The following CYP2J2 variants were observed in gnomAD, a reference collection of about 807,000 sequenced individuals.
The protein encoded by CYP2J2 is cytochrome P450 family 2 subfamily J member 2.
In CYP2J2, 41 loss-of-function variants were observed where a neutral mutation model predicts 48.8. The ratio of observed to expected loss-of-function variants is 0.84; its 90% CI spans 0.66 to 1.09. The LOEUF (loss-of-function observed/expected upper bound fraction) is 1.09, where lower values mean the gene tolerates loss of function less well. Ranked by LOEUF, CYP2J2 falls within the 50% of genes least tolerant of loss-of-function variation. CYP2J2 has a pLI of 0.00. For missense variants in CYP2J2, 644 were observed against 617.3 expected (o/e 1.04, Z -0.46); for synonymous variants, 221 against 227.1 (o/e 0.97, Z 0.24).
the CYP2J2 span, among the ~76,000 whole-genome samples, chr1:59,964,496 A>T: frequency 6.6e-6 from 1 of 152,246 alleles, no homozygotes; most frequent in South Asian, 2.1e-4. Context: ...TCTATATCCT[A>T]GTTGCAAGAG....
upstream of CYP2J2, among the ~76,000 whole-genome samples, chr1:59,930,568 T>A (rs1644598103): frequency 6.6e-6 from 1 of 152,134 alleles, no homozygotes; most frequent in African/African-American, 2.4e-5. Context: ...TGTATTCAGG[T>A]TCTTTGCCAA....
At chr1:59,912,467 G>C (rs1644426496) in intron 2 of CYP2J2, 156 bp from the exon 3 acceptor site, 1 of 716,466 alleles carries the variant, frequency 1.4e-6, no homozygotes, top group Non-Finnish European at 2.3e-6. Flanking sequence ...TGGATATAAT[G>C]GCTAATATTT....
intron 1 of CYP2J2, among the ~76,000 whole-genome samples, chr1:59,919,789 T>C (rs11572227): frequency 0.075 from 11,371 of 152,218 alleles, 448 homozygotes; most frequent in African/African-American, 0.11. Context: ...CCAAGAATAA[T>C]GGTCTCACAG....
At chr1:59,910,109 C>G in intron 4 of CYP2J2, 149 bp from the exon 5 acceptor site, 1 of 617,060 alleles carries the variant, frequency 1.6e-6, no homozygotes, top group Non-Finnish European at 2.7e-6. Context: ...TCTCTCACCT[C>G]TCTAGCAAAA....
the CYP2J2 span, among the ~76,000 whole-genome samples, chr1:59,959,303 C>T: frequency 6.6e-6 from 1 of 151,932 alleles, no homozygotes; most frequent in African/African-American, 2.4e-5. Context: ...TATTATAGTC[C>T]CACCTTCTCC....
Position 59,893,621 on chromosome 1 carries a change from C to G in CYP2J2, c.*30G>C. ...TCAGAACACGTGCCATGTCTTCTTACTTTCCTTGCCCCTTTCTTTCTTAAC... is the reference window on the plus strand; with the variant it reads ...TCAGAACACGTGCCATGTCTTCTTAGTTTCCTTGCCCCTTTCTTTCTTAAC... On this transcript the variant is annotated 3_prime_UTR_variant, in exon 9 of 9. Coordinates refer to ENST00000371204, the MANE Select transcript of CYP2J2 (RefSeq NM_000775.4). The G allele has an allele frequency of 6.5e-7, 1 of 1,535,836 alleles. No individual in the cohort carries two copies. The highest frequency in any genetic ancestry group is 8.8e-7 in the Non-Finnish European group (1 of 1,133,884).
the CYP2J2 span, among the ~76,000 whole-genome samples, chr1:59,952,340 A>G: frequency 8.1e-3 from 1,210 of 149,280 alleles, 17 homozygotes; most frequent in African/African-American, 0.028. Context: ...TCCCTGGAGC[A>G]TATTTGCTTA....
At chr1:59,960,916 A>G in the CYP2J2 span, among the ~76,000 whole-genome samples, 1 of 152,202 alleles carries the variant, frequency 6.6e-6, no homozygotes, top group African/African-American at 2.4e-5. Context: ...GTTTTTCAAC[A>G]AATGGTGGAA....
chr1:59,901,264 C>T (rs943070556), intron 7 of CYP2J2, among the ~76,000 whole-genome samples, 161 bp from the exon 8 acceptor site: 5 of 152,202 alleles, frequency 3.3e-5, no homozygotes, highest in African/African-American at 1.2e-4. Flanking sequence ...AACCCAGGAC[C>T]CTTCTCTTTG....
chr1:59,907,671 A>G (rs950156147), intron 6 of CYP2J2, 115 bp downstream of exon 6: 89 of 1,137,940 alleles, frequency 7.8e-5, no homozygotes, highest in Non-Finnish European at 1.3e-5. Flanking sequence ...ATCACTCATG[A>G]CTGTTCTGCC....
At chr1:59,908,908 T>C (rs1644387330) in intron 5 of CYP2J2, among the ~76,000 whole-genome samples, 2 of 152,196 alleles carry the variant, frequency 1.3e-5, no homozygotes, top group South Asian at 2.1e-4. Context: ...CTTAATAAAG[T>C]TGGCCTTTAA....
rs933052744 is a variant in CYP2J2 at position 59,901,214 on chromosome 1, C to T, written c.1192-111G>A. 18 of 1,095,402 alleles carry T rather than the reference C, an allele frequency of 1.6e-5. No individual in the cohort carries two copies. In the African/African-American group the frequency reaches 1.9e-4, roughly 11 times the overall value. 67.9% of individuals were successfully genotyped at this position (1,095,402 alleles called of 1,614,324 possible). ...TGCCGGGGGCCTGAACATACTGCCC[C>T]ACCCTCCCCAATTGTGGTACACAGT... is the stretch of plus-strand genomic sequence containing the variant. On this transcript the variant is annotated intron_variant, in intron 7 of 8. Coordinates refer to ENST00000371204, the MANE Select transcript of CYP2J2 (RefSeq NM_000775.4).
the CYP2J2 span, among the ~76,000 whole-genome samples, chr1:59,947,941 C>T: frequency 6.6e-6 from 1 of 152,106 alleles, no homozygotes; most frequent in African/African-American, 2.4e-5. Flanking sequence ...GTGTCTCTGC[C>T]ACTAAGAGCC....
At chr1:59,956,013 T>C in the CYP2J2 span, among the ~76,000 whole-genome samples, 1 of 152,122 alleles carries the variant, frequency 6.6e-6, no homozygotes, top group African/African-American at 2.4e-5. Flanking sequence ...TGTAAAGCTA[T>C]TACGCATTTA....
At chr1:59,926,372 A>C in intron 1 of CYP2J2, 165 bp downstream of exon 1, 1 of 624,340 alleles carries the variant, frequency 1.6e-6, no homozygotes, top group Non-Finnish European at 2.9e-6. Flanking sequence ...ATGCCAGTTA[A>C]TGGGTTAGGA....
chr1:59,911,574 A>G (rs768123400), intron 4 of CYP2J2, 34 bp downstream of exon 4: 3 of 1,462,414 alleles, frequency 2.1e-6, no homozygotes, highest in Non-Finnish European at 2.7e-6. Flanking sequence ...GCCCCAATTT[A>G]CTGAACAAAG....
At chr1:59,945,708 GAA>G in the CYP2J2 span, among the ~76,000 whole-genome samples, 1 of 152,104 alleles carries the variant, frequency 6.6e-6, no homozygotes, top group Non-Finnish European at 1.5e-5. Context: ...CCAATTACGA[GAA>G]AAGTCCTGTT....
the CYP2J2 span, among the ~76,000 whole-genome samples, chr1:59,966,349 A>G: frequency 6.6e-6 from 1 of 152,180 alleles, no homozygotes; most frequent in Admixed American, 6.5e-5. Context: ...AAGACTTGGT[A>G]TGTCCTGGGT....
intron 1 of CYP2J2, 28 bp from the exon 2 acceptor site, chr1:59,916,128 G>A (rs903165628): frequency 1.3e-6 from 2 of 1,588,882 alleles, no homozygotes; most frequent in Non-Finnish European, 1.7e-6. Context: ...CGTAACAGTT[G>A]AATATGCACA....
Sources: allele counts gnomAD v4.1 joint callset (sites outside exome capture counted in the v4.1 genomes callset), GRCh38; gene constraint gnomAD v4.1.1; transcripts MANE v1.5; gene names NCBI Gene and HGNC (gene_info 2026-07-23, HGNC 2026-07-21).